The following FAF1 variants were observed in gnomAD, a reference collection of about 807,000 sequenced individuals.
FAF1 encodes the protein Fas associated factor 1, also known as FAS-associated factor 1.
In FAF1, 25 loss-of-function variants were observed where a neutral mutation model predicts 92.5. That is an observed-to-expected ratio of 0.27 (90% CI 0.20 to 0.38). The LOEUF (loss-of-function observed/expected upper bound fraction) is 0.38. FAF1 is among the 10% of genes least tolerant of loss of function. The probability of loss-of-function intolerance (pLI) is 1.00; values close to 1 mark genes in which losing one functional copy is unlikely to be tolerated. For missense variants in FAF1, 636 were observed against 793.3 expected (o/e 0.80, Z 2.38); for synonymous variants, 234 against 273.2 (o/e 0.86, Z 1.42).
intron 2 of FAF1, among the ~76,000 whole-genome samples, chr1:50,843,263 T>G (rs529344281): frequency 6.6e-6 from 1 of 152,284 alleles, no homozygotes; most frequent in African/African-American, 2.4e-5. Context: ...TTTCTTCATT[T>G]TATGGATATA....
intron 1 of FAF1, among the ~76,000 whole-genome samples, chr1:50,903,312 C>T (rs1644810924): frequency 6.6e-6 from 1 of 152,122 alleles, no homozygotes; most frequent in Admixed American, 6.6e-5. Context: ...AGTTACTTAC[C>T]TGTGTTTTCT....
intron 4 of FAF1, among the ~76,000 whole-genome samples, chr1:50,768,635 T>G (rs1448695380): frequency 6.6e-6 from 1 of 151,814 alleles, no homozygotes; most frequent in Non-Finnish European, 1.5e-5. Flanking sequence ...AGAAAATCAC[T>G]CAAAAGCATA....
chr1:50,681,358 T>C (rs1656412467), intron 7 of FAF1, among the ~76,000 whole-genome samples: 1 of 152,056 alleles, frequency 6.6e-6, no homozygotes, highest in African/African-American at 2.4e-5. Context: ...AATTAACTTC[T>C]ATCACTTAAC....
At chr1:50,560,191 G>T (rs1649831168) in intron 13 of FAF1, among the ~76,000 whole-genome samples, 1 of 152,184 alleles carries the variant, frequency 6.6e-6, no homozygotes, top group African/African-American at 2.4e-5. Context: ...TGGAATTAAG[G>T]GTAAGCCACT....
chr1:50,489,916 G>A (rs559687231), intron 17 of FAF1, among the ~76,000 whole-genome samples: 1 of 151,692 alleles, frequency 6.6e-6, no homozygotes, highest in Admixed American at 6.6e-5. Flanking sequence ...TGGCACAAAA[G>A]GCAAAGATTA....
chr1:50,450,099 C>A (rs1646276919), intron 18 of FAF1, among the ~76,000 whole-genome samples: 1 of 148,604 alleles, frequency 6.7e-6, no homozygotes, highest in South Asian at 2.1e-4. Context: ...GAGGCTGAGA[C>A]AAGAGAATTG....
At chr1:50,929,896 C>T (rs1011331117) in intron 1 of FAF1, among the ~76,000 whole-genome samples, 2 of 152,076 alleles carry the variant, frequency 1.3e-5, no homozygotes, top group African/African-American at 4.8e-5. Context: ...TATAATGTAA[C>T]GCTATACAAA....
At chr1:50,501,089 G>C (rs191989661) in intron 15 of FAF1, among the ~76,000 whole-genome samples, 30 of 152,224 alleles carry the variant, frequency 2.0e-4, no homozygotes, top group Non-Finnish European at 4.1e-4. Context: ...TTATGAAAAA[G>C]AAAGTCATAG....
At chr1:50,705,425 G>C (rs1325524007) in intron 7 of FAF1, among the ~76,000 whole-genome samples, 2 of 152,206 alleles carry the variant, frequency 1.3e-5, no homozygotes, top group Non-Finnish European at 2.9e-5. Context: ...ATAATTATTT[G>C]AGAGCAACCT....
At chr1:50,835,485 C>T (rs937804160) in intron 2 of FAF1, among the ~76,000 whole-genome samples, 2 of 149,936 alleles carry the variant, frequency 1.3e-5, no homozygotes, top group South Asian at 2.1e-4. Context: ...GCAGGAGAAT[C>T]GCTTGAACCC....
chr1:50,833,760 AG>A (rs1644176443), intron 2 of FAF1, among the ~76,000 whole-genome samples: 1 of 152,134 alleles, frequency 6.6e-6, no homozygotes, highest in Non-Finnish European at 1.5e-5. Context: ...GGAAATTCCA[AG>A]GGTTTTAAGA....
chr1:50,847,608 C>T (rs1008644166), intron 2 of FAF1, among the ~76,000 whole-genome samples: 7 of 151,826 alleles, frequency 4.6e-5, no homozygotes, highest in African/African-American at 1.7e-4. Context: ...AAAAAACAAA[C>T]TATTTAATAT....
At chr1:50,876,846 A>T (rs916142667) in intron 1 of FAF1, among the ~76,000 whole-genome samples, 4 of 152,228 alleles carry the variant, frequency 2.6e-5, no homozygotes, top group African/African-American at 9.6e-5. Flanking sequence ...GGCCTCCCAA[A>T]GTGCTGGGAT....
At chr1:50,527,879 C>G (rs1164928661) in intron 15 of FAF1, among the ~76,000 whole-genome samples, 1 of 145,118 alleles carries the variant, frequency 6.9e-6, no homozygotes, top group Non-Finnish European at 1.5e-5. Context: ...CTCTCTCTCT[C>G]TCTCTCTCTC....
At chr1:50,686,455 T>A (rs1171831884) in intron 7 of FAF1, among the ~76,000 whole-genome samples, 4 of 151,786 alleles carry the variant, frequency 2.6e-5, no homozygotes, top group Non-Finnish European at 4.4e-5. Context: ...GGCAGGAGAA[T>A]CACTTGAACC....
intron 6 of FAF1, among the ~76,000 whole-genome samples, chr1:50,725,930 G>A (rs1557495568): frequency 2.6e-5 from 4 of 152,132 alleles, no homozygotes. Flanking sequence ...CAGGACTAGA[G>A]CTCAATAATA....
intron 15 of FAF1, among the ~76,000 whole-genome samples, chr1:50,526,858 CTT>C (rs576252370): frequency 0.049 from 7,014 of 142,498 alleles, 523 homozygotes; most frequent in African/African-American, 0.17. Context: ...TACCTGACGA[CTT>C]TTTTTTTTTT....
chr1:50,663,392 C>T (rs998520222), intron 7 of FAF1, among the ~76,000 whole-genome samples: 17 of 147,938 alleles, frequency 1.1e-4, no homozygotes, highest in Middle Eastern at 3.4e-3. Flanking sequence ...AGAAGCATTG[C>T]TTTTTTTTAA....
chr1:50,906,370 T>G (rs1324846090), intron 1 of FAF1, among the ~76,000 whole-genome samples: 2 of 152,238 alleles, frequency 1.3e-5, no homozygotes, highest in Non-Finnish European at 2.9e-5. Context: ...AGGCTCTTTT[T>G]TGGTTCCATA....
Sources: allele counts gnomAD v4.1 joint callset (sites outside exome capture counted in the v4.1 genomes callset), GRCh38; gene constraint gnomAD v4.1.1; transcripts MANE v1.5; gene names NCBI Gene and HGNC (gene_info 2026-07-23, HGNC 2026-07-21).